The following NPHP4 variants were observed in gnomAD, a reference collection of about 807,000 sequenced individuals.
The protein encoded by NPHP4 is nephrocystin-4.
In NPHP4, 151 loss-of-function variants were observed where a neutral mutation model predicts 155.8. That is an observed-to-expected ratio of 0.97 (90% CI 0.85 to 1.11). The LOEUF (loss-of-function observed/expected upper bound fraction) is 1.11. Ranked by LOEUF, NPHP4 falls within the 50% of genes least tolerant of loss-of-function variation. NPHP4 has a pLI of 0.00. For synonymous variants in NPHP4, 845 were observed against 816.8 expected (o/e 1.03, Z -0.59); for missense variants, 1,956 against 1,925.7 (o/e 1.02, Z -0.29).
chr1:5,930,159 C>A (rs567673704), intron 10 of NPHP4, among the ~76,000 whole-genome samples: 299 of 152,206 alleles, frequency 2.0e-3, no homozygotes, highest in African/African-American at 6.5e-3. Flanking sequence ...TTCTTTCATT[C>A]CTAATATTAG....
At chr1:5,927,536 G>A (rs771960850) in intron 11 of NPHP4, 113 bp downstream of exon 11, 75 of 1,183,530 alleles carry the variant, frequency 6.3e-5, no homozygotes, top group Admixed American at 1.9e-4. Flanking sequence ...AATCTACGAC[G>A]ATTATCTTAC....
intron 23 of NPHP4, 49 bp downstream of exon 23, chr1:5,873,203 G>T (rs968941008): frequency 2.0e-6 from 3 of 1,481,274 alleles, no homozygotes; most frequent in African/African-American, 2.8e-5. Context: ...CAGGCCCTGG[G>T]AATACCCAGG....
Position 5,874,942 on chromosome 1 carries a change from C to G in NPHP4, c.2976G>C (p.Glu992Asp). ...TGTTGTGGGGGTTCTTAAGCACAAA[C>G]TCAAAGAACTCGGCGACCCCCAGCG... Reference protein sequence around the residue: ...HATLGVAEFFEFVLKNPHNTQ... With the variant: ...HATLGVAEFFDFVLKNPHNTQ... The change falls in exon 21 of 30, where the codon GAG (glutamate) becomes GAC (aspartate). Residue 992 changes from glutamate (E) to aspartate (D), a missense_variant. Physicochemically the swap from Glu to Asp is conservative, Grantham distance 45. Transcript: ENST00000378156. The G allele has an allele frequency of 1.2e-6, 2 of 1,613,566 alleles. No homozygotes were observed. The highest frequency in any genetic ancestry group is 1.7e-6 in the Non-Finnish European group (2 of 1,179,876).
chr1:5,901,574 A>G (rs1644684371), intron 16 of NPHP4, among the ~76,000 whole-genome samples: 1 of 152,334 alleles, frequency 6.6e-6, no homozygotes, highest in Middle Eastern at 3.4e-3. Context: ...TAATTTGGGG[A>G]CTTTAATTCC....
At chr1:5,921,528 TA>T (rs1259583459) in intron 11 of NPHP4, among the ~76,000 whole-genome samples, 2 of 152,266 alleles carry the variant, frequency 1.3e-5, no homozygotes, top group African/African-American at 4.8e-5. Context: ...ATGAGGGGAA[TA>T]AAACGGTTTG....
chr1:5,870,766 G>A (rs777957309), intron 23 of NPHP4, among the ~76,000 whole-genome samples: 3 of 152,194 alleles, frequency 2.0e-5, no homozygotes, highest in Non-Finnish European at 2.9e-5. Flanking sequence ...TGGAGGTCCT[G>A]CCCCAAGTGC....
intron 16 of NPHP4, 48 bp downstream of exon 16, chr1:5,904,569 C>A: frequency 2.8e-6 from 4 of 1,426,386 alleles, no homozygotes; most frequent in Non-Finnish European, 3.8e-6. Context: ...TTTACACACA[C>A]AACTCAGTAC....
rs557120719 is a variant in NPHP4 at position 5,979,074 on chromosome 1, GCAGGACCCTGCCCCGGAGCTTTACCA to G, written c.136-687_136-662del. On this transcript the variant is annotated intron_variant, in intron 2 of 29. Transcript: ENST00000378156. The stretch of plus-strand genomic sequence containing the variant: ...AGAGCGGCAGCCAGAGTGTAGACAG[GCAGGACCCTGCCCCGGAGCTTTACCA>G]CTTACAGCAAGTATTGCTTTAGCCT... 2.3e-3 allele frequency among the ~76,000 whole-genome samples: 347 copies of G among 150,904 alleles called. 5 individuals carry two copies. The highest frequency in any genetic ancestry group is 0.021 in the Middle Eastern group (6 of 292).
intron 11 of NPHP4, among the ~76,000 whole-genome samples, chr1:5,911,906 C>T (rs1214253956): frequency 1.3e-5 from 2 of 152,230 alleles, no homozygotes; most frequent in African/African-American, 4.8e-5. Context: ...CTCCAGGCCC[C>T]AGGAGTCTTC....
At chr1:5,979,709 G>C (rs1654332345) in intron 2 of NPHP4, among the ~76,000 whole-genome samples, 1 of 151,994 alleles carries the variant, frequency 6.6e-6, no homozygotes, top group African/African-American at 2.4e-5. Flanking sequence ...TTTTTGTAGA[G>C]AGTGGGTTTT....
chr1:5,912,888 G>A (rs183401887), intron 11 of NPHP4, among the ~76,000 whole-genome samples: 75 of 152,258 alleles, frequency 4.9e-4, no homozygotes, highest in Admixed American at 2.7e-3. Flanking sequence ...GGGAATCAGC[G>A]TCTGGCTGAG....
At chr1:5,946,983 A>T in intron 9 of NPHP4, 121 bp downstream of exon 9, 1 of 1,061,006 alleles carries the variant, frequency 9.4e-7, no homozygotes, top group Non-Finnish European at 1.4e-6. Flanking sequence ...AGTGATTTTT[A>T]CTTATTATTT....
chr1:5,949,126 T>C (rs1242798473), intron 7 of NPHP4, among the ~76,000 whole-genome samples: 4 of 152,182 alleles, frequency 2.6e-5, no homozygotes, highest in Non-Finnish European at 4.4e-5. Context: ...GTGATTTTTA[T>C]GGGACTGTAT....
At chr1:5,938,754 A>G (rs1275237790) in intron 9 of NPHP4, among the ~76,000 whole-genome samples, 4 of 152,252 alleles carry the variant, frequency 2.6e-5, no homozygotes, top group African/African-American at 2.4e-5. Context: ...CTGATTTTCA[A>G]TGTGAAAATA....
At chr1:5,902,518 T>C (rs1644729674) in intron 16 of NPHP4, among the ~76,000 whole-genome samples, 1 of 152,260 alleles carries the variant, frequency 6.6e-6, no homozygotes, top group Non-Finnish European at 1.5e-5. Context: ...GCATGCCCTG[T>C]TGTACCTGGT....
At chr1:5,947,526 A>C (rs1328623443) in intron 8 of NPHP4, among the ~76,000 whole-genome samples, 1 of 152,140 alleles carries the variant, frequency 6.6e-6, no homozygotes, top group East Asian at 1.9e-4. Context: ...CGCATTTCCA[A>C]ATTACCAAAG....
chr1:5,949,392 C>T (rs1278760751), intron 7 of NPHP4, among the ~76,000 whole-genome samples: 1 of 106,412 alleles, frequency 9.4e-6, no homozygotes, highest in African/African-American at 3.2e-5. Flanking sequence ...TCATAGACTA[C>T]TAGGATGAGC....
intron 22 of NPHP4, among the ~76,000 whole-genome samples, chr1:5,874,065 G>A (rs887183818): frequency 6.6e-6 from 1 of 152,096 alleles, no homozygotes; most frequent in Non-Finnish European, 1.5e-5. Context: ...CATGCTCCCT[G>A]CACGCATGCT....
At chr1:5,982,718 T>G (rs1654905441) in intron 2 of NPHP4, among the ~76,000 whole-genome samples, 1 of 152,246 alleles carries the variant, frequency 6.6e-6, no homozygotes, top group Non-Finnish European at 1.5e-5. Flanking sequence ...ACTGTATTAG[T>G]TATATCCTAT....
Sources: gnomAD v4.1 joint callset for allele counts (sites outside exome capture counted in the v4.1 genomes callset) on GRCh38, gnomAD v4.1.1 for gene constraint, MANE v1.5 for transcripts, NCBI Gene and HGNC (gene_info 2026-07-23, HGNC 2026-07-21) for gene names.